LRP8: variants seen among roughly 807,000 people sequenced by gnomAD.
LRP8 encodes the protein LDL receptor related protein 8.
A neutral mutation model predicts 111.6 loss-of-function variants in LRP8; 46 were observed. The observed-to-expected ratio is 0.41, with a 90% CI of 0.33 to 0.53. The LOEUF is 0.53. Ranked by LOEUF, LRP8 falls within the 20% of genes least tolerant of loss-of-function variation. The pLI is 0.20. For missense variants in LRP8, 959 were observed against 1,297.4 expected, an observed-to-expected ratio of 0.74 and a Z score of 4.01; for synonymous variants, 464 against 511.2, an observed-to-expected ratio of 0.91 and a Z score of 1.24.
rs1645674725 is a variant in LRP8 at position 53,243,295 on chromosome 1, T to G, written c.*3723A>C. On this transcript the variant is annotated 3_prime_UTR_variant, in exon 19 of 19. Coordinates refer to ENST00000306052, the MANE Select transcript of LRP8 (RefSeq NM_004631.5). ...ACGTCTTCAACATTTTCGTTTTTCT[T>G]TCTCACAGTTGAGAAAATCTAAGAG... 1 of 152,194 alleles carries G rather than the reference T, an allele frequency of 6.6e-6. No homozygotes were observed. Among genetic ancestry groups the G allele is most frequent in the Non-Finnish European group, 1.5e-5 (1 of 68,020 alleles). The allele number at this position is 152,194 out of a possible 1,614,324, so 9.4% of individuals were successfully genotyped here.
At chr1:53,297,684 G>A (rs184453430) in intron 2 of LRP8, among the ~76,000 whole-genome samples, 1 of 152,344 alleles carries the variant, frequency 6.6e-6, no homozygotes, top group East Asian at 1.9e-4. Context: ...GCACTTTTTG[G>A]TGAGGGCGGC....
intron 2 of LRP8, among the ~76,000 whole-genome samples, chr1:53,302,136 G>A (rs1651024132): frequency 6.6e-6 from 1 of 152,196 alleles, no homozygotes; most frequent in Non-Finnish European, 1.5e-5. Context: ...CTCAAAGAAA[G>A]GGGGTGATTT....
At chr1:53,252,754 C>T (rs1040759093) in intron 16 of LRP8, among the ~76,000 whole-genome samples, 4 of 152,194 alleles carry the variant, frequency 2.6e-5, no homozygotes, top group Admixed American at 1.3e-4. Context: ...ATTCTCCTCA[C>T]ATAAACTCAT....
rs938050621 is a variant in LRP8, at chr1:53,242,548, G to A, written c.*4470C>T. 3 of 152,046 alleles carry A rather than the reference G, an allele frequency of 2.0e-5. No individual in the cohort carries two copies. Among genetic ancestry groups the A allele is most frequent in the Non-Finnish European group, 4.4e-5 (3 of 68,038 alleles). 9.4% of individuals were successfully genotyped at this position (152,046 alleles called of 1,614,324 possible). On this transcript the variant is annotated 3_prime_UTR_variant, in exon 19 of 19. Coordinates refer to ENST00000306052, the MANE Select transcript of LRP8 (RefSeq NM_004631.5). ...AAGGGCACCGCGTACAGAAGCTAAC[G>A]GAACTTGAATGACAAGACAAAAAGA... is the stretch of plus-strand genomic sequence containing the variant.
chr1:53,326,945 G>T lies in LRP8; in HGVS notation c.172C>A (p.Arg58Ser). The T allele has an allele frequency of 6.2e-7, 1 of 1,613,874 alleles. No individual in the cohort carries two copies. The highest frequency in any genetic ancestry group is 8.5e-7 in the Non-Finnish European group (1 of 1,179,996). ...CATCTCCACACAGAGGGGATGCAGC[G>T]CTCGTTCCGGCACTGGAATTGGTCC... ...EKDQFQCRNERCIPSVWRCDE... is the reference protein window; with the variant it reads ...EKDQFQCRNESCIPSVWRCDE... The change falls in exon 2 of 19, where the codon CGC (arginine) becomes AGC (serine). Residue 58 changes from arginine to serine, a missense_variant. Coordinates refer to ENST00000306052, the MANE Select transcript of LRP8 (RefSeq NM_004631.5).
intron 12 of LRP8, among the ~76,000 whole-genome samples, chr1:53,261,097 A>G (rs1183440575): frequency 2.0e-5 from 3 of 152,194 alleles, no homozygotes; most frequent in African/African-American, 7.2e-5. Context: ...CCTCATACAC[A>G]GATCTAAACA....
rs1655371296 is a variant in LRP8, at chr1:53,327,833, T to C, written c.80A>G (p.Gln27Arg). 1 of 1,512,092 alleles carries C rather than the reference T, an allele frequency of 6.6e-7. No individual in the cohort carries two copies. Among genetic ancestry groups the C allele is most frequent in the Non-Finnish European group, 8.8e-7 (1 of 1,136,280 alleles). The allele number at this position is 1,512,092 out of a possible 1,614,324, so 93.7% of individuals were successfully genotyped here. A position where few individuals can be genotyped will look rare whatever the true frequency, so the allele number is the denominator to read the frequency against. Residue 27 changes from glutamine to arginine, a missense_variant, in exon 1 of 19, where the codon CAG (glutamine) becomes CGG (arginine). Gln to Arg is a conservative substitution (Grantham distance 43). This residue lies in a region of LRP8 where 97 missense variants were observed against 107.5 expected (regional missense o/e 0.90). Coordinates refer to ENST00000306052, the MANE Select transcript of LRP8 (RefSeq NM_004631.5). ...ATCAGCCGCTGCCGCCGCAAGATGCTGGAGCTGCAGCAGCAGCAGCAGCAG... is the reference window on the plus strand; with the variant it reads ...ATCAGCCGCTGCCGCCGCAAGATGCCGGAGCTGCAGCAGCAGCAGCAGCAG... ...LLLLLLLLQLQHLAAAAADPL... is the reference protein window; with the variant it reads ...LLLLLLLLQLRHLAAAAADPL...
At chr1:53,247,183 G>C in intron 18 of LRP8, 127 bp from the exon 19 acceptor site, 1 of 653,544 alleles carries the variant, frequency 1.5e-6, no homozygotes, top group Non-Finnish European at 2.5e-6. Context: ...ACTATCCTAA[G>C]AGACAGGATT....
chr1:53,323,420 G>C (rs1417563808), intron 2 of LRP8, among the ~76,000 whole-genome samples: 1 of 152,262 alleles, frequency 6.6e-6, no homozygotes, highest in Non-Finnish European at 1.5e-5. Flanking sequence ...GACTCTGGGA[G>C]TAAAGGCCAG....
intron 6 of LRP8, chr1:53,272,727 C>G: frequency 8.0e-7 from 1 of 1,245,276 alleles, no homozygotes; most frequent in Non-Finnish European, 1.1e-6. Flanking sequence ...GCCTCAGACC[C>G]TTGGAGGTGG....
In LRP8 at chr1:53,327,011, G is replaced by T; in HGVS notation, c.125-19C>A. The T allele has an allele frequency of 6.2e-7, 1 of 1,610,556 alleles. No homozygotes were observed. Among genetic ancestry groups the T allele is most frequent in the East Asian group, 2.2e-5 (1 of 44,848 alleles). The stretch of plus-strand genomic sequence containing the variant: ...GCCGGCCCTGCGAGGGGGAGGGAGC[G>T]TGAGCTGGATCAGCGGACTCGGCCC... On this transcript the variant is annotated intron_variant, in intron 1 of 18. Transcript: ENST00000306052.
chr1:53,258,503 A>G lies in LRP8; in HGVS notation c.2057-32T>C, dbSNP rs200795872. 15 of 1,610,058 alleles carry G rather than the reference A, an allele frequency of 9.3e-6. No individual in the cohort carries two copies. In the Admixed American group the frequency reaches 2.5e-4, roughly 27 times the overall value. On this transcript the variant is annotated intron_variant, in intron 13 of 18. Coordinates refer to ENST00000306052, the MANE Select transcript of LRP8 (RefSeq NM_004631.5). ...GCAGAGAGGGAGACAGCTGGGGCAC[A>G]GACAGGACATGCCAGGTCTTCCTGC...
intron 2 of LRP8, among the ~76,000 whole-genome samples, chr1:53,297,644 A>C (rs1650004772): frequency 6.6e-6 from 1 of 152,190 alleles, no homozygotes; most frequent in Non-Finnish European, 1.5e-5. Context: ...GATTCACCCC[A>C]TTCGGAATGA....
intron 3 of LRP8, 65 bp from the exon 4 acceptor site, chr1:53,280,780 C>T (rs1647083080): frequency 9.5e-6 from 15 of 1,585,372 alleles, no homozygotes; most frequent in African/African-American, 1.3e-5. Flanking sequence ...GCCAACCAGT[C>T]CTACCACCCT....
chr1:53,302,489 C>T (rs1301590176), intron 2 of LRP8, among the ~76,000 whole-genome samples: 1 of 152,080 alleles, frequency 6.6e-6, no homozygotes, highest in African/African-American at 2.4e-5. Flanking sequence ...AGATGAGTGA[C>T]GTCACCACCC....
chr1:53,255,229 T>G, intron 15 of LRP8, 44 bp from the exon 16 acceptor site: 1 of 1,578,816 alleles, frequency 6.3e-7, no homozygotes, highest in Non-Finnish European at 8.7e-7. Flanking sequence ...TATCACTGTG[T>G]GTCCAAGCCC....
intron 2 of LRP8, among the ~76,000 whole-genome samples, chr1:53,306,555 C>T (rs1472049548): frequency 2.0e-5 from 3 of 152,206 alleles, no homozygotes; most frequent in African/African-American, 7.2e-5. Context: ...CCTCTCTGGG[C>T]CTCAGCGTCA....
rs1270455610 is a variant in LRP8 at position 53,245,619 on chromosome 1, T to C, written c.*1399A>G. On this transcript the variant is annotated 3_prime_UTR_variant, in exon 19 of 19. Coordinates refer to ENST00000306052, the MANE Select transcript of LRP8 (RefSeq NM_004631.5). ...GTGAACATAAATATCCAATATAATA[T>C]AATATTGCGTATGCCATTTCCCCCC... 1.3e-5 allele frequency: 2 copies of C among 152,428 alleles called. No homozygotes were observed. The highest frequency in any genetic ancestry group is 4.8e-5 in the African/African-American group (2 of 41,426). 9.4% of individuals were successfully genotyped at this position (152,428 alleles called of 1,614,324 possible).
At chr1:53,300,955 A>C (rs764390748) in intron 2 of LRP8, among the ~76,000 whole-genome samples, 1 of 152,122 alleles carries the variant, frequency 6.6e-6, no homozygotes, top group Non-Finnish European at 1.5e-5. Flanking sequence ...CATGTGTACC[A>C]TTCAAAGGCC....
Sources: allele counts gnomAD v4.1 joint callset (sites outside exome capture counted in the v4.1 genomes callset), GRCh38; gene constraint gnomAD v4.1.1; regional missense constraint gnomAD v4.1.1; transcripts MANE v1.5; gene names NCBI Gene and HGNC (gene_info 2026-07-23, HGNC 2026-07-21).